Variants in VOPP1 observed in about 807,000 individuals in gnomAD.
VOPP1 encodes the protein VOPP1 WW domain binding protein, also known as WW domain binding protein VOPP1.
In VOPP1, 8 loss-of-function variants were observed where a neutral mutation model predicts 23.5. That is an observed-to-expected ratio of 0.34 (90% CI 0.20 to 0.61). The LOEUF (loss-of-function observed/expected upper bound fraction) is 0.61. Among genes scored for constraint, VOPP1 ranks in the 20% least tolerant of loss-of-function variants. The pLI, the probability that VOPP1 is intolerant of heterozygous loss-of-function variation, is 0.78. For synonymous variants in VOPP1, 83 were observed against 97.3 expected, an observed-to-expected ratio of 0.85 and a Z score of 0.86; for missense variants, 174 against 238.1, an observed-to-expected ratio of 0.73 and a Z score of 1.77.
At chr7:55,568,424 C>CAGCATTGA (rs1191099416) in intron 1 of VOPP1, among the ~76,000 whole-genome samples, 1 of 152,196 alleles carries the variant, frequency 6.6e-6, no homozygotes, top group Non-Finnish European at 1.5e-5. Flanking sequence ...TTTTGCCCAA[C>CAGCATTGA]AGCATTGAAG....
intron 1 of VOPP1, among the ~76,000 whole-genome samples, chr7:55,542,674 A>G (rs1198866323): frequency 1.3e-5 from 2 of 151,986 alleles, no homozygotes; most frequent in African/African-American, 4.8e-5. Flanking sequence ...CTACAATCCC[A>G]GCTACTTGGG....
At chr7:55,513,578 T>C (rs889006985) in intron 2 of VOPP1, among the ~76,000 whole-genome samples, 1 of 152,122 alleles carries the variant, frequency 6.6e-6, no homozygotes. Flanking sequence ...CTCTGCCCCA[T>C]CCATGTGACA....
downstream of VOPP1, among the ~76,000 whole-genome samples, chr7:55,468,704 A>C (rs990637562): frequency 1.3e-5 from 2 of 152,234 alleles, no homozygotes; most frequent in African/African-American, 4.8e-5. Flanking sequence ...GTAAGCATGC[A>C]TGGGACCCCA....
intron 4 of VOPP1, among the ~76,000 whole-genome samples, chr7:55,454,468 A>T (rs1276501411): frequency 6.6e-6 from 1 of 152,222 alleles, no homozygotes; most frequent in Non-Finnish European, 1.5e-5. Flanking sequence ...CATCATCCTG[A>T]TACCAAAACC....
chr7:55,538,230 C>T (rs916102234), intron 1 of VOPP1, among the ~76,000 whole-genome samples: 1 of 152,206 alleles, frequency 6.6e-6, no homozygotes, highest in Non-Finnish European at 1.5e-5. Flanking sequence ...CTCTGAGTAG[C>T]GATTTGCAAA....
chr7:55,440,415 T>C (rs1324700308), intron 4 of VOPP1, among the ~76,000 whole-genome samples: 5 of 152,236 alleles, frequency 3.3e-5, no homozygotes, highest in African/African-American at 1.2e-4. Context: ...TCCGTTTTAC[T>C]TTTTCTAGCA....
chr7:55,570,913 G>A (rs1798330126), intron 1 of VOPP1, among the ~76,000 whole-genome samples: 1 of 152,072 alleles, frequency 6.6e-6, no homozygotes, highest in African/African-American at 2.4e-5. Context: ...CAGCACTCAA[G>A]CCTGGGCCAC....
At chr7:55,538,677 A>G in intron 1 of VOPP1, 1 of 1,535,912 alleles carries the variant, frequency 6.5e-7, no homozygotes, top group Non-Finnish European at 8.7e-7. Context: ...TGACAAAAAC[A>G]GCTACAAACT....
intron 1 of VOPP1, among the ~76,000 whole-genome samples, chr7:55,546,881 A>T (rs1358374690): frequency 6.6e-6 from 1 of 152,194 alleles, no homozygotes; most frequent in Non-Finnish European, 1.5e-5. Context: ...GCATCCTAAA[A>T]CCAACAGGAA....
chr7:55,469,735 T>TG (rs765175369), downstream of VOPP1, among the ~76,000 whole-genome samples: 2 of 152,164 alleles, frequency 1.3e-5, no homozygotes, highest in Non-Finnish European at 1.5e-5. Flanking sequence ...CCTACTAATT[T>TG]GGGGGAGTGC....
intron 2 of VOPP1, among the ~76,000 whole-genome samples, chr7:55,508,738 T>C (rs935673434): frequency 6.6e-6 from 1 of 151,692 alleles, no homozygotes; most frequent in African/African-American, 2.4e-5. Context: ...TCTGGCCATA[T>C]GTCTCTTTCA....
intron 2 of VOPP1, among the ~76,000 whole-genome samples, chr7:55,506,572 GGT>G (rs1583957358): frequency 6.6e-6 from 1 of 152,024 alleles, no homozygotes. Flanking sequence ...CCTGACCTCA[GGT>G]GATCCGCCTG....
At chr7:55,533,504 C>T (rs1249254137) in intron 1 of VOPP1, among the ~76,000 whole-genome samples, 1 of 152,232 alleles carries the variant, frequency 6.6e-6, no homozygotes, top group African/African-American at 2.4e-5. Flanking sequence ...CCGTGGTTGA[C>T]TGTGCTGTCT....
chr7:55,527,967 T>C (rs1375988505), intron 1 of VOPP1, among the ~76,000 whole-genome samples: 1 of 152,166 alleles, frequency 6.6e-6, no homozygotes, highest in Non-Finnish European at 1.5e-5. Context: ...CACATAATTG[T>C]TGGGAAAATA....
intron 4 of VOPP1, among the ~76,000 whole-genome samples, chr7:55,476,096 G>A (rs1792225597): frequency 6.6e-6 from 1 of 152,310 alleles, no homozygotes; most frequent in Admixed American, 6.5e-5. Flanking sequence ...TCACGGGCCC[G>A]TGTGGAGCGC....
intron 4 of VOPP1, among the ~76,000 whole-genome samples, chr7:55,488,941 G>A (rs1191159220): frequency 6.6e-6 from 1 of 152,294 alleles, no homozygotes; most frequent in Non-Finnish European, 1.5e-5. Context: ...TCTCTCCCTG[G>A]ACTGCCAAAC....
chr7:55,480,094 T>C (rs1792591709), intron 4 of VOPP1, among the ~76,000 whole-genome samples: 1 of 152,376 alleles, frequency 6.6e-6, no homozygotes, highest in South Asian at 2.1e-4. Flanking sequence ...TATAATTTTA[T>C]TTTGGTGTTT....
chr7:55,543,470 T>C (rs867810449), intron 1 of VOPP1, among the ~76,000 whole-genome samples: 4 of 152,216 alleles, frequency 2.6e-5, no homozygotes, highest in Non-Finnish European at 5.9e-5. Context: ...TAGTTCCATA[T>C]TCTTAGTTTT....
At chr7:55,477,349 T>C (rs1378259111) in intron 4 of VOPP1, among the ~76,000 whole-genome samples, 1 of 151,434 alleles carries the variant, frequency 6.6e-6, no homozygotes, top group Non-Finnish European at 1.5e-5. Flanking sequence ...ACGGGAGGAG[T>C]GACTGAAGGG....
Sources: gnomAD v4.1 joint callset for allele counts (sites outside exome capture counted in the v4.1 genomes callset) on GRCh38, gnomAD v4.1.1 for gene constraint, MANE v1.5 for transcripts, NCBI Gene and HGNC (gene_info 2026-07-23, HGNC 2026-07-21) for gene names.